The following TMEM178B variants were observed in gnomAD, a reference collection of about 807,000 sequenced individuals.
The protein encoded by TMEM178B is transmembrane protein 178B.
TMEM178B carries 5 observed loss-of-function variants against 31.0 expected under a neutral mutation model. That is an observed-to-expected ratio of 0.16 (90% CI 0.08 to 0.34). TMEM178B has a LOEUF of 0.34. Among genes scored for constraint, TMEM178B ranks in the 10% least tolerant of loss-of-function variants. The pLI, the probability that TMEM178B is intolerant of heterozygous loss-of-function variation, is 1.00. For synonymous variants in TMEM178B, 164 were observed against 164.0 expected, an observed-to-expected ratio of 1.00 and a Z score of 0.00; for missense variants, 275 against 400.3, an observed-to-expected ratio of 0.69 and a Z score of 2.67.
At chr7:141,100,260 C>T in intron 1 of TMEM178B, among the ~76,000 whole-genome samples, 1 of 151,256 alleles carries the variant, frequency 6.6e-6, no homozygotes, top group Non-Finnish European at 1.5e-5. Flanking sequence ...TTGGTTGGGC[C>T]ACGTATTCTA....
intron 1 of TMEM178B, among the ~76,000 whole-genome samples, chr7:141,205,901 C>A (rs1410232894): frequency 6.6e-6 from 1 of 152,194 alleles, no homozygotes; most frequent in Non-Finnish European, 1.5e-5. Context: ...AGTTTCTGTG[C>A]CATCTCTGGC....
At chr7:141,202,687 T>C (rs1248376308) in intron 1 of TMEM178B, among the ~76,000 whole-genome samples, 1 of 152,232 alleles carries the variant, frequency 6.6e-6, no homozygotes, top group Non-Finnish European at 1.5e-5. Flanking sequence ...TGCAAATCCT[T>C]GGACTCAGAA....
At chr7:141,202,412 T>C (rs1796892881) in intron 1 of TMEM178B, among the ~76,000 whole-genome samples, 1 of 152,140 alleles carries the variant, frequency 6.6e-6, no homozygotes, top group East Asian at 1.9e-4. Flanking sequence ...TCCATGTGTG[T>C]AATGAGGAGG....
chr7:141,510,384 C>A, the TMEM178B span, among the ~76,000 whole-genome samples: 1 of 152,050 alleles, frequency 6.6e-6, no homozygotes, highest in Non-Finnish European at 1.5e-5. Context: ...AAGAAGAGAT[C>A]TATAAGAATG....
At chr7:141,114,362 AT>A (rs769129632) in intron 1 of TMEM178B, among the ~76,000 whole-genome samples, 5 of 151,794 alleles carry the variant, frequency 3.3e-5, no homozygotes, top group African/African-American at 4.8e-5. Context: ...GCTGCACTGT[AT>A]CTCCCTTCAG....
chr7:141,490,122 C>T, the TMEM178B span, among the ~76,000 whole-genome samples: 4 of 152,132 alleles, frequency 2.6e-5, no homozygotes, highest in African/African-American at 7.2e-5. Context: ...AAGAATCAGC[C>T]GTGGTCTTCC....
At chr7:141,506,847 A>G in the TMEM178B span, among the ~76,000 whole-genome samples, 2 of 152,200 alleles carry the variant, frequency 1.3e-5, no homozygotes, top group Non-Finnish European at 2.9e-5. Context: ...TACTTCCTAG[A>G]TACAATAGGG....
At chr7:141,380,029 CT>C (rs918644433) in intron 2 of TMEM178B, among the ~76,000 whole-genome samples, 2 of 152,144 alleles carry the variant, frequency 1.3e-5, no homozygotes, top group African/African-American at 4.8e-5. Context: ...TAGATGTAGA[CT>C]AAGAAGTTGC....
chr7:141,212,659 T>C lies in TMEM178B; in HGVS notation c.451T>C (p.Phe151Leu). Residue 151 changes from phenylalanine to leucine, a missense_variant, in exon 2 of 4, where the codon TTC becomes CTC. Transcript: ENST00000565468. Reference protein sequence around the residue: ...SSATIPRNLTFNITKTIRQDE... With the variant: ...SSATIPRNLTLNITKTIRQDE... The stretch of plus-strand genomic sequence containing the variant: ...AGCAACCATCCCCAGGAACCTCACT[T>C]TCAATATCACGAAGACCATCCGTCA... 1 of 1,536,094 alleles carries C rather than the reference T, an allele frequency of 6.5e-7. No homozygotes were observed. Among genetic ancestry groups the C allele is most frequent in the East Asian group, 2.4e-5 (1 of 40,906 alleles).
At chr7:141,148,620 T>C (rs545628085) in intron 1 of TMEM178B, among the ~76,000 whole-genome samples, 1 of 152,292 alleles carries the variant, frequency 6.6e-6, no homozygotes, top group East Asian at 1.9e-4. Flanking sequence ...GACTTGAAAA[T>C]CAAGAAGCAG....
chr7:141,265,899 G>A (rs369433725), intron 2 of TMEM178B, among the ~76,000 whole-genome samples: 1 of 152,196 alleles, frequency 6.6e-6, no homozygotes, highest in African/African-American at 2.4e-5. Context: ...GTGACAAAAG[G>A]TCTGGGTTTC....
At chr7:141,175,817 G>T (rs1350450076) in intron 1 of TMEM178B, among the ~76,000 whole-genome samples, 6 of 152,162 alleles carry the variant, frequency 3.9e-5, no homozygotes, top group Admixed American at 2.0e-4. Flanking sequence ...TGTATCCCGA[G>T]ACTTTGCTGA....
chr7:141,363,343 A>G (rs1329646814), intron 2 of TMEM178B, among the ~76,000 whole-genome samples: 1 of 152,234 alleles, frequency 6.6e-6, no homozygotes, highest in Non-Finnish European at 1.5e-5. Flanking sequence ...TCTATTGCAC[A>G]TATCTTTTGG....
intron 2 of TMEM178B, among the ~76,000 whole-genome samples, chr7:141,234,925 A>G (rs956710524): frequency 1.3e-5 from 2 of 152,246 alleles, no homozygotes; most frequent in African/African-American, 4.8e-5. Flanking sequence ...CAGCGGGGGT[A>G]GCAGATTTAT....
chr7:141,287,738 G>A (rs1268357078), intron 2 of TMEM178B, among the ~76,000 whole-genome samples: 1 of 152,160 alleles, frequency 6.6e-6, no homozygotes, highest in East Asian at 1.9e-4. Context: ...CTTCAGTGCT[G>A]GGCAGTGCTT....
chr7:141,458,529 T>A (rs982340959), intron 3 of TMEM178B, among the ~76,000 whole-genome samples: 22 of 152,180 alleles, frequency 1.4e-4, no homozygotes, highest in African/African-American at 5.3e-4. Flanking sequence ...CTGTTCTCTG[T>A]TGAGAGCAGT....
At chr7:141,146,636 A>G (rs941523090) in intron 1 of TMEM178B, among the ~76,000 whole-genome samples, 1 of 152,194 alleles carries the variant, frequency 6.6e-6, no homozygotes, top group Non-Finnish European at 1.5e-5. Context: ...GGCTGCTATT[A>G]CTATTATTAT....
chr7:141,384,643 G>A (rs1010047614), intron 2 of TMEM178B, among the ~76,000 whole-genome samples: 2 of 152,194 alleles, frequency 1.3e-5, no homozygotes, highest in African/African-American at 4.8e-5. Context: ...TTGAAGTCAG[G>A]TAGCGTGATG....
chr7:141,469,765 T>C (rs1802205819), intron 3 of TMEM178B, among the ~76,000 whole-genome samples: 2 of 152,262 alleles, frequency 1.3e-5, no homozygotes, highest in Admixed American at 6.5e-5. Context: ...CTACCTCTTA[T>C]AGCAGTTTTC....
Sources: gnomAD v4.1 joint callset for allele counts (sites outside exome capture counted in the v4.1 genomes callset) on GRCh38, gnomAD v4.1.1 for gene constraint, MANE v1.5 for transcripts, NCBI Gene and HGNC (gene_info 2026-07-23, HGNC 2026-07-21) for gene names.